MICAL3: variants seen among roughly 807,000 people sequenced by gnomAD.
The protein encoded by MICAL3 is [F-actin]-monooxygenase MICAL3.
Under a neutral mutation model 207.4 loss-of-function variants are expected in MICAL3, and 62 were observed. That is an observed-to-expected ratio of 0.30 (90% confidence interval 0.24 to 0.37). MICAL3 has a LOEUF of 0.37. Among genes scored for constraint, MICAL3 ranks in the 10% least tolerant of loss-of-function variants. The probability of loss-of-function intolerance (pLI) is 1.00; values close to 1 mark genes in which losing one functional copy is unlikely to be tolerated. For synonymous variants in MICAL3, 1,077 were observed against 1,069.3 expected, an observed-to-expected ratio of 1.01 and a Z score of -0.14; for missense variants, 2,368 against 2,635.6, an observed-to-expected ratio of 0.90 and a Z score of 2.22.
chr22:17,816,301 C>T (rs1216091822), intron 27 of MICAL3, among the ~76,000 whole-genome samples: 2 of 152,224 alleles, frequency 1.3e-5, no homozygotes, highest in African/African-American at 4.8e-5. Context: ...TGCCTAAGGT[C>T]CCAGCTCCGC....
Position 17,821,482 on chromosome 22 carries a change from C to T in MICAL3, c.3476G>A (p.Arg1159Gln), listed in dbSNP as rs200224924. 78 of 1,541,656 alleles carry T rather than the reference C, an allele frequency of 5.1e-5. No homozygotes were observed. In the South Asian group the frequency reaches 5.9e-4, roughly 12 times the overall value. ...CAGAAGAGCTGATTCCTGGGGAGAC[C>T]GGATGGGGCTGGTGGCTTGGGAGGG... ...RGPSQATSPI[R>Q]SPQESALLFI... is the part of the protein sequence containing the mutation. The change falls in exon 25 of 32, where the codon CGG becomes CAG. Residue 1159 changes from arginine to glutamine, a missense_variant. Arg to Gln is a conservative substitution (Grantham distance 43). Transcript: ENST00000441493.
intron 16 of MICAL3, chr22:17,876,786 G>A (rs1928456172): frequency 7.0e-6 from 1 of 143,494 alleles, no homozygotes; most frequent in Non-Finnish European, 1.5e-5. Flanking sequence ...GGAGGTTAGG[G>A]AGGTTAGGGA....
intron 16 of MICAL3, among the ~76,000 whole-genome samples, chr22:17,877,357 TTATG>T: frequency 9.1e-6 from 1 of 110,178 alleles, no homozygotes; most frequent in Non-Finnish European, 1.7e-5. Context: ...GTTAGGGAGG[TTATG>T]GAGGTTAGGG....
At chr22:17,864,332 G>A in intron 19 of MICAL3, 2 of 1,209,250 alleles carry the variant, frequency 1.7e-6, no homozygotes, top group Non-Finnish European at 2.1e-6. Context: ...TCCCATCACG[G>A]TGCAGGGCAG....
At chr22:17,832,901 C>T (rs375884247) in intron 20 of MICAL3, among the ~76,000 whole-genome samples, 25 of 152,128 alleles carry the variant, frequency 1.6e-4, no homozygotes, top group African/African-American at 3.4e-4. Flanking sequence ...AGGGAAATGA[C>T]GGCAAAGGCA....
chr22:17,900,437 CAAGT>C lies in MICAL3; in HGVS notation c.847+401_847+404del, dbSNP rs1274124242. Among the ~76,000 whole-genome samples, 1 of 152,068 alleles carries C rather than the reference CAAGT, an allele frequency of 6.6e-6. No homozygotes were observed. The highest frequency in any genetic ancestry group is 2.4e-5 in the African/African-American group (1 of 41,398). ...GCAACATGGCGAAACTCCGTCTCTACAAGTAATACGAAAAATTAGCCAGGCATGG... is the reference window on the plus strand; with the variant it reads ...GCAACATGGCGAAACTCCGTCTCTACAATACGAAAAATTAGCCAGGCATGG... On this transcript the variant is annotated intron_variant, in intron 6 of 31. Transcript: ENST00000441493. This position sits in a 1 kb window ranked among gnomAD's most constrained non-coding sequence, Gnocchi z 4.0.
At chr22:17,876,743 GGTT>G (rs1928422665) in intron 16 of MICAL3, 1 of 150,128 alleles carries the variant, frequency 6.7e-6, no homozygotes, top group Non-Finnish European at 1.5e-5. Flanking sequence ...AGCTTATGGA[GGTT>G]AGGGAGGTTA....
At chr22:17,997,450 C>T (rs1396540417) in intron 1 of MICAL3, among the ~76,000 whole-genome samples, 2 of 152,172 alleles carry the variant, frequency 1.3e-5, no homozygotes, top group African/African-American at 2.4e-5. Flanking sequence ...TGACCCCCCA[C>T]CTGGCTAGAT....
intron 19 of MICAL3, among the ~76,000 whole-genome samples, chr22:17,855,961 G>C (rs1925839381): frequency 6.6e-6 from 1 of 152,224 alleles, no homozygotes; most frequent in African/African-American, 2.4e-5. Context: ...TGAGTTTATT[G>C]GTTACGTGGC....
intron 18 of MICAL3, 132 bp downstream of exon 18, chr22:17,865,792 C>T (rs551966669): frequency 2.8e-6 from 2 of 718,242 alleles, no homozygotes; most frequent in African/African-American, 3.5e-5. Flanking sequence ...ACTGCCACTG[C>T]ATTTCGGGCC....
At chr22:17,993,679 C>T (rs2401495) in intron 1 of MICAL3, among the ~76,000 whole-genome samples, 17 of 152,168 alleles carry the variant, frequency 1.1e-4, no homozygotes, top group East Asian at 1.9e-4. Context: ...CCCAGTGCTT[C>T]AGAATTACCT....
intron 16 of MICAL3, chr22:17,881,363 C>G (rs1929414948): frequency 1.4e-6 from 2 of 1,417,776 alleles, no homozygotes; most frequent in East Asian, 2.3e-5. Flanking sequence ...CATGTGGAAG[C>G]TGGTTCTGGG....
At chr22:18,011,388 A>G (rs1164960797) in intron 1 of MICAL3, among the ~76,000 whole-genome samples, 3 of 151,942 alleles carry the variant, frequency 2.0e-5, no homozygotes, top group African/African-American at 7.3e-5. Flanking sequence ...CTACTAAAAA[A>G]TACAAAACTA....
chr22:17,854,210 G>C (rs1925648983), intron 19 of MICAL3, among the ~76,000 whole-genome samples: 1 of 103,850 alleles, frequency 9.6e-6, no homozygotes, highest in Non-Finnish European at 1.7e-5. Flanking sequence ...ATTTTCTGTT[G>C]ACACAGCTTG....
chr22:17,994,011 C>T (rs531233399), intron 1 of MICAL3, among the ~76,000 whole-genome samples: 2 of 152,314 alleles, frequency 1.3e-5, no homozygotes, highest in Admixed American at 1.3e-4. Flanking sequence ...ATAACAGCAC[C>T]CCGTCTGTCC....
chr22:17,966,840 A>G (rs1935164540), intron 1 of MICAL3, among the ~76,000 whole-genome samples: 1 of 152,148 alleles, frequency 6.6e-6, no homozygotes, highest in Non-Finnish European at 1.5e-5. Context: ...GAACTCAGGA[A>G]GCAGCTGCAA....
chr22:17,844,924 T>G (rs1243491455), intron 19 of MICAL3, among the ~76,000 whole-genome samples: 1 of 152,166 alleles, frequency 6.6e-6, no homozygotes, highest in Non-Finnish European at 1.5e-5. Flanking sequence ...AGGCCCTAAC[T>G]GCACTAGCTC....
chr22:17,948,911 T>TAAAAAAAAA (rs1260379274), intron 1 of MICAL3, among the ~76,000 whole-genome samples: 2 of 32,920 alleles, frequency 6.1e-5, no homozygotes, highest in African/African-American at 1.8e-4. Flanking sequence ...AGATGCTGCC[T>TAAAAAAAAA]CAAAAAAAAA....
intron 1 of MICAL3, among the ~76,000 whole-genome samples, chr22:17,954,750 CTTT>C (rs60984165): frequency 6.9e-6 from 1 of 144,470 alleles, no homozygotes; most frequent in Non-Finnish European, 1.5e-5. Context: ...AAGTCTTTTC[CTTT>C]TTTTTTTTTT....
Sources: gnomAD v4.1 joint callset for allele counts (sites outside exome capture counted in the v4.1 genomes callset) on GRCh38, gnomAD v4.1.1 for gene constraint, Gnocchi (gnomAD v3.1) non-coding constraint, MANE v1.5 for transcripts, NCBI Gene and HGNC (gene_info 2026-07-23, HGNC 2026-07-21) for gene names.